Variants in DST observed in about 807,000 individuals in gnomAD.
The protein encoded by DST is bullous pemphigoid antigen.
Under a neutral mutation model 875.2 loss-of-function variants are expected in DST, and 253 were observed. The observed-to-expected ratio is 0.29, with a 90% CI of 0.26 to 0.32. DST has a LOEUF of 0.32. Among genes scored for constraint, DST ranks in the 10% least tolerant of loss-of-function variants. DST has a pLI of 1.00. For missense variants in DST, 8,287 were observed against 9,111.6 expected (o/e 0.91, Z 3.68); for synonymous variants, 3,124 against 3,197.1 (o/e 0.98, Z 0.77).
intron 69 of DST, among the ~76,000 whole-genome samples, chr6:56,520,068 C>T (rs2096667107): frequency 6.6e-6 from 1 of 151,678 alleles, no homozygotes; most frequent in South Asian, 2.1e-4. Flanking sequence ...TAAAGAAGAA[C>T]CAAATGAAAA....
At chr6:56,709,528 A>G (rs1301954460) in intron 5 of DST, among the ~76,000 whole-genome samples, 1 of 152,204 alleles carries the variant, frequency 6.6e-6, no homozygotes, top group African/African-American at 2.4e-5. Flanking sequence ...TAAAAGTCTG[A>G]CATTATAGTG....
chr6:56,662,939 A>C (rs936072317), intron 10 of DST, among the ~76,000 whole-genome samples: 3 of 152,054 alleles, frequency 2.0e-5, no homozygotes, highest in African/African-American at 7.3e-5. Flanking sequence ...ACAGAGCAAG[A>C]CTCCATCTCA....
At position 56,632,897 on chromosome 6, in the gene DST, T is replaced by C. The variant is rs1421508981; in HGVS notation, c.3762A>G (p.Val1254=). 1 of 1,613,966 alleles carries C rather than the reference T, an allele frequency of 6.2e-7. No homozygotes were observed. Among genetic ancestry groups the C allele is most frequent in the Non-Finnish European group, 8.5e-7 (1 of 1,179,952 alleles). The change falls in exon 28 of 104, where the codon GTA becomes GTG. Residue 1254 remains valine (V), a synonymous_variant. Transcript: ENST00000680361. ...DITQLEKEVN[V]CKQYYQELLK... ...GAAGTTCTTGATAATACTGCTTACA[T>C]ACATTAACCTCCTTTTCCAGTTGTG...
chr6:56,607,239 C>T lies in DST; in HGVS notation c.7389G>A (p.Lys2463=). 6.2e-7 allele frequency: 1 copy of T among 1,613,494 alleles called. No individual in the cohort carries two copies. Among genetic ancestry groups the T allele is most frequent in the Non-Finnish European group, 8.5e-7 (1 of 1,179,608 alleles). ...TGAATGATAAGGCTGGGGCTTCACA[C>T]TTATTTCCATTGCTCTCTGGGGTGT... ...DTHTPESNGN[K]CEAPALSFSD... The change falls in exon 40 of 104, where the codon AAG becomes AAA. Residue 2463 remains lysine (K), a synonymous_variant. Transcript: ENST00000680361.
rs1351076430 is a variant in DST, at chr6:56,468,993, G to A, written c.22558C>T (p.Leu7520=). Reference sequence around the variant, plus strand: ...CCACTGGTTTATACCTGATTTCCCAGGAAGAACTGATAAAAATGAAAAATG... The same window carrying A: ...CCACTGGTTTATACCTGATTTCCCAAGAAGAACTGATAAAAATGAAAAATG... ...QIGDNKYRFF[L]GNQFGDSQQL... The change falls in exon 98 of 104, where the codon CTG becomes TTG. Residue 7520 remains leucine, a synonymous_variant. Coordinates refer to ENST00000680361, the MANE Select transcript of DST (RefSeq NM_001374736.1). The A allele has an allele frequency of 2.5e-6, 4 of 1,578,142 alleles. No homozygotes were observed. The highest frequency in any genetic ancestry group is 2.3e-5 in the South Asian group (2 of 85,606).
chr6:56,605,252 T>C lies in DST; in HGVS notation c.9376A>G (p.Ile3126Val). The C allele has an allele frequency of 6.2e-7, 1 of 1,610,784 alleles. No individual in the cohort carries two copies. The highest frequency in any genetic ancestry group is 8.5e-7 in the Non-Finnish European group (1 of 1,178,112). Residue 3126 changes from isoleucine to valine, a missense_variant, in exon 40 of 104, where the codon ATA (isoleucine) becomes GTA (valine). Ile to Val is a conservative substitution (Grantham distance 29, BLOSUM62 3). Transcript: ENST00000680361. Reference sequence around the variant, plus strand: ...AACTGAACAGGACTTTTACTAACTATTATTTGTAGATTATTTGGTTCATCT... The same window carrying C: ...AACTGAACAGGACTTTTACTAACTACTATTTGTAGATTATTTGGTTCATCT... ...LKDEPNNLQI[I>V]VSKSPVQFEN... is the part of the protein sequence containing the mutation.
At chr6:56,575,157 G>A (rs1229538651) in intron 50 of DST, among the ~76,000 whole-genome samples, 1 of 152,036 alleles carries the variant, frequency 6.6e-6, no homozygotes, top group African/African-American at 2.4e-5. Context: ...GAGGAAACAA[G>A]CAGTGGGTTC....
rs1299433667 is a variant in DST at position 56,670,668 on chromosome 6, A to G, written c.1187T>C (p.Leu396Ser). 1 of 1,595,490 alleles carries G rather than the reference A, an allele frequency of 6.3e-7. No homozygotes were observed. Among genetic ancestry groups the G allele is most frequent in the Non-Finnish European group, 8.5e-7 (1 of 1,171,146 alleles). ...GTATTTATGAATGATGGCATTAAAT[A>G]ATTTTCCATCTCTCCAGCAGGTAGT... ...NFTTCWRDGKLFNAIIHKYRP... is the reference protein window; with the variant it reads ...NFTTCWRDGKSFNAIIHKYRP... The change falls in exon 10 of 104, where the codon TTA (leucine) becomes TCA (serine). Residue 396 changes from leucine (L) to serine (S), a missense_variant. By Grantham distance (145) the Leu-to-Ser change is moderately radical (BLOSUM62 -2). Transcript: ENST00000680361.
intron 4 of DST, among the ~76,000 whole-genome samples, chr6:56,780,744 G>T (rs1275314596): frequency 6.7e-6 from 1 of 150,290 alleles, no homozygotes; most frequent in South Asian, 2.1e-4. Context: ...GATCCCATTT[G>T]TCAATTTTGG....
At chr6:56,488,414 G>GGGAA (rs1301017649) in intron 86 of DST, among the ~76,000 whole-genome samples, 1 of 152,130 alleles carries the variant, frequency 6.6e-6, no homozygotes, top group African/African-American at 2.4e-5. Context: ...GCCATCAGAG[G>GGGAA]GGAAGGAAGG....
chr6:56,527,400 T>C, intron 68 of DST, 93 bp downstream of exon 68: 1 of 1,450,150 alleles, frequency 6.9e-7, no homozygotes. Flanking sequence ...TCAGCATATG[T>C]AATGACATAA....
chr6:56,569,324 C>CA (rs1274786185), intron 54 of DST, among the ~76,000 whole-genome samples: 3 of 59,552 alleles, frequency 5.0e-5, no homozygotes, highest in African/African-American at 5.7e-5. Flanking sequence ...GACTCTGTCT[C>CA]GAAAAAAAAA....
At chr6:56,636,692 A>G in intron 22 of DST, 40 bp from the exon 23 acceptor site, 1 of 1,496,806 alleles carries the variant, frequency 6.7e-7, no homozygotes, top group Admixed American at 1.7e-5. Flanking sequence ...GACTGGGGAG[A>G]AATAAGGCAC....
chr6:56,690,720 G>A (rs1046440464), intron 9 of DST, among the ~76,000 whole-genome samples: 3 of 152,172 alleles, frequency 2.0e-5, no homozygotes, highest in African/African-American at 7.2e-5. Flanking sequence ...GAAGCGGCTG[G>A]AAGCTCTCAT....
chr6:56,600,359 A>T, intron 44 of DST, 138 bp from the exon 45 acceptor site: 1 of 765,466 alleles, frequency 1.3e-6, no homozygotes, highest in Non-Finnish European at 2.1e-6. Context: ...TGATAGCAGT[A>T]GGGTACAAAC....
intron 22 of DST, chr6:56,638,980 A>G: frequency 2.1e-6 from 1 of 482,458 alleles, no homozygotes; most frequent in South Asian, 2.1e-5. Flanking sequence ...AGAAATAAAT[A>G]ATATGGCAAT....
At chr6:56,861,968 G>A (rs899241102) in intron 3 of DST, 2 of 152,212 alleles carry the variant, frequency 1.3e-5, no homozygotes, top group African/African-American at 4.8e-5. Context: ...TGTACAGACT[G>A]AGATTCAAAC....
At chr6:56,716,701 C>G (rs1445559560) in intron 5 of DST, among the ~76,000 whole-genome samples, 1 of 152,150 alleles carries the variant, frequency 6.6e-6, no homozygotes, top group African/African-American at 2.4e-5. Context: ...GGCAGTCCAG[C>G]CTTCAAACTG....
At chr6:56,635,456 T>A in intron 24 of DST, 133 bp downstream of exon 24, 1 of 897,944 alleles carries the variant, frequency 1.1e-6, no homozygotes, top group Non-Finnish European at 1.7e-6. Context: ...ATACTAAAAC[T>A]GAATGTGCAA....
Sources: allele counts gnomAD v4.1 joint callset (sites outside exome capture counted in the v4.1 genomes callset), GRCh38; gene constraint gnomAD v4.1.1; transcripts MANE v1.5; gene names NCBI Gene and HGNC (gene_info 2026-07-23, HGNC 2026-07-21).